Variants in RPS6KC1 observed in about 807,000 individuals in gnomAD.
RPS6KC1 encodes the protein inactive ribosomal protein S6 kinase delta-1.
In RPS6KC1, 54 loss-of-function variants were observed where a neutral mutation model predicts 103.8. That is an observed-to-expected ratio of 0.52 (90% CI 0.42 to 0.65). The LOEUF (loss-of-function observed/expected upper bound fraction) is 0.65. Among genes scored for constraint, RPS6KC1 ranks in the 30% least tolerant of loss-of-function variants. The pLI is 0.00. For missense variants in RPS6KC1, 1,151 were observed against 1,253.8 expected, an observed-to-expected ratio of 0.92 and a Z score of 1.24; for synonymous variants, 439 against 438.7, an observed-to-expected ratio of 1.00 and a Z score of -0.01.
chr1:213,331,038 T>C, the RPS6KC1 span, among the ~76,000 whole-genome samples: 34 of 152,184 alleles, frequency 2.2e-4, no homozygotes, highest in Non-Finnish European at 3.5e-4. Context: ...GTTGGCTTTT[T>C]GTTAGTAAAG....
chr1:213,176,386 A>C lies in RPS6KC1; in HGVS notation c.952-14A>C. The C allele has an allele frequency of 6.3e-7, 1 of 1,576,426 alleles. No homozygotes were observed. ...CTCCCTGATTGATGTATAATCTTTG[A>C]TATCTTCCATTAGCCTCCAGGATCA... On this transcript the variant is annotated splice_polypyrimidine_tract_variant and intron_variant, in intron 7 of 14. Transcript: ENST00000366960.
intron 8 of RPS6KC1, among the ~76,000 whole-genome samples, chr1:213,190,031 A>G (rs11120100): frequency 0.45 from 68,587 of 152,092 alleles, 19,230 homozygotes; most frequent in Non-Finnish European, 0.62. Flanking sequence ...TATATATACC[A>G]CATTTTTAAA....
At chr1:213,078,231 C>CTTT (rs11416944) in intron 3 of RPS6KC1, among the ~76,000 whole-genome samples, 8 of 128,338 alleles carry the variant, frequency 6.2e-5, no homozygotes, top group Admixed American at 1.6e-4. Flanking sequence ...CCTTAGTATT[C>CTTT]TTTTTTTTTT....
chr1:213,240,828 AG>A lies in RPS6KC1; in HGVS notation c.1354del (p.Asp452ThrfsTer21), dbSNP rs1278019308. On this transcript the variant is annotated frameshift_variant, in exon 11 of 15. Coordinates refer to ENST00000366960, the MANE Select transcript of RPS6KC1 (RefSeq NM_012424.6). LOFTEE classifies it high-confidence loss of function. ...CTGCAGCAGCCAACTTCTAGTCCTC[AG>A]GACAGCAGTAGCTTTGAATCCAGAG... is the stretch of plus-strand genomic sequence containing the variant. ...VHLQQPTSSP[Q>X]DSSSFESRGS... The A allele has an allele frequency of 6.2e-7, 1 of 1,613,850 alleles. No homozygotes were observed. Among genetic ancestry groups the A allele is most frequent in the Non-Finnish European group, 8.5e-7 (1 of 1,179,910 alleles).
rs547847316 is a variant in RPS6KC1 at position 213,119,737 on chromosome 1, C to A, written c.472+2327C>A. 1.1e-4 allele frequency among the ~76,000 whole-genome samples: 16 copies of A among 151,854 alleles called. No homozygotes were observed. In the East Asian group the frequency reaches 3.1e-3, roughly 30 times the overall value. Reference sequence around the variant, plus strand: ...TCTGCAGAGATCTTTCTGTTCTTTGCTGTAGTCTAGGCCAGAAAGGGAGAA... The same window carrying A: ...TCTGCAGAGATCTTTCTGTTCTTTGATGTAGTCTAGGCCAGAAAGGGAGAA... On this transcript the variant is annotated intron_variant, in intron 5 of 14. Coordinates refer to ENST00000366960, the MANE Select transcript of RPS6KC1 (RefSeq NM_012424.6).
the RPS6KC1 span, among the ~76,000 whole-genome samples, chr1:213,340,315 T>C: frequency 6.6e-6 from 1 of 152,222 alleles, no homozygotes; most frequent in Non-Finnish European, 1.5e-5. Context: ...GCCTCTGCTT[T>C]GCTGCCGGAT....
At chr1:213,508,728 G>A in the RPS6KC1 span, among the ~76,000 whole-genome samples, 334 of 152,288 alleles carry the variant, frequency 2.2e-3, 2 homozygotes, top group South Asian at 9.3e-3. Context: ...TCATTATCTG[G>A]TCAAATGATT....
At chr1:213,414,048 G>A in the RPS6KC1 span, among the ~76,000 whole-genome samples, 2 of 152,142 alleles carry the variant, frequency 1.3e-5, no homozygotes, top group Non-Finnish European at 2.9e-5. Flanking sequence ...GATGTGGTGA[G>A]ACCTAATGAC....
At chr1:213,332,597 G>T in the RPS6KC1 span, among the ~76,000 whole-genome samples, 1 of 152,172 alleles carries the variant, frequency 6.6e-6, no homozygotes, top group Non-Finnish European at 1.5e-5. Flanking sequence ...GCCAGATCCT[G>T]CAGGTAGGTA....
the RPS6KC1 span, among the ~76,000 whole-genome samples, chr1:213,465,611 T>G: frequency 6.6e-6 from 1 of 152,206 alleles, no homozygotes; most frequent in East Asian, 1.9e-4. Context: ...TCATTGAGTC[T>G]CTACCTTTAA....
the RPS6KC1 span, among the ~76,000 whole-genome samples, chr1:213,373,155 CA>C: frequency 1.3e-5 from 2 of 152,108 alleles, no homozygotes; most frequent in Non-Finnish European, 1.5e-5. Context: ...CCACTGAGGT[CA>C]AAAAGGAGGG....
chr1:213,792,122 A>G, the RPS6KC1 span, among the ~76,000 whole-genome samples: 1 of 152,002 alleles, frequency 6.6e-6, no homozygotes, highest in Non-Finnish European at 1.5e-5. Context: ...CTCCTGCTCT[A>G]CCGCCCATGG....
chr1:213,503,017 T>C, the RPS6KC1 span, among the ~76,000 whole-genome samples: 1 of 152,172 alleles, frequency 6.6e-6, no homozygotes, highest in Non-Finnish European at 1.5e-5. Flanking sequence ...TTATGGTGTC[T>C]GCTTTCCTTT....
the RPS6KC1 span, among the ~76,000 whole-genome samples, chr1:213,314,019 C>A: frequency 1.3e-5 from 2 of 152,062 alleles, no homozygotes; most frequent in African/African-American, 4.8e-5. Flanking sequence ...AGTTCACAAT[C>A]GAGGTGTTGG....
At chr1:213,296,442 C>A in the RPS6KC1 span, among the ~76,000 whole-genome samples, 2 of 152,156 alleles carry the variant, frequency 1.3e-5, no homozygotes, top group African/African-American at 4.8e-5. Flanking sequence ...TCCCTGGGAC[C>A]TCCAGAAGAG....
intron 1 of RPS6KC1, among the ~76,000 whole-genome samples, chr1:213,059,149 C>T (rs1043887949): frequency 6.6e-6 from 1 of 152,180 alleles, no homozygotes; most frequent in Non-Finnish European, 1.5e-5. Context: ...GGTACATGTG[C>T]ACAACGTGCA....
the RPS6KC1 span, among the ~76,000 whole-genome samples, chr1:213,507,661 T>A: frequency 6.6e-6 from 1 of 152,046 alleles, no homozygotes; most frequent in Non-Finnish European, 1.5e-5. Flanking sequence ...CCGGAATGGT[T>A]CTATTACAGC....
At chr1:213,719,543 A>G in the RPS6KC1 span, among the ~76,000 whole-genome samples, 1 of 135,106 alleles carries the variant, frequency 7.4e-6, no homozygotes, top group Non-Finnish European at 1.6e-5. Flanking sequence ...CATTTTATTA[A>G]CATTTCTTAG....
At chr1:213,206,185 T>C (rs1356834228) in intron 8 of RPS6KC1, among the ~76,000 whole-genome samples, 1 of 152,232 alleles carries the variant, frequency 6.6e-6, no homozygotes. Context: ...ACTTTTATAA[T>C]AGGACAACCT....
Sources: gnomAD v4.1 joint callset for allele counts (sites outside exome capture counted in the v4.1 genomes callset) on GRCh38, gnomAD v4.1.1 for gene constraint, MANE v1.5 for transcripts, NCBI Gene and HGNC (gene_info 2026-07-23, HGNC 2026-07-21) for gene names.